Variants in PSTPIP2 observed in about 807,000 individuals in gnomAD.
PSTPIP2 encodes the protein proline-serine-threonine phosphatase-interacting protein 2.
Under a neutral mutation model 63.3 loss-of-function variants are expected in PSTPIP2, and 33 were observed. That is an observed-to-expected ratio of 0.52 (90% CI 0.40 to 0.70). The LOEUF is 0.70. PSTPIP2 is among the 30% of genes least tolerant of loss of function. The pLI is 0.00. For missense variants in PSTPIP2, 312 were observed against 400.7 expected, an observed-to-expected ratio of 0.78 and a Z score of 1.89; for synonymous variants, 125 against 132.7, an observed-to-expected ratio of 0.94 and a Z score of 0.40.
At chr18:46,024,817 A>C in intron 2 of PSTPIP2, 131 bp from the exon 3 acceptor site, 1 of 682,552 alleles carries the variant, frequency 1.5e-6, no homozygotes, top group Non-Finnish European at 2.6e-6. Flanking sequence ...CATTCTCTAA[A>C]ATGCAAGACT....
intron 2 of PSTPIP2, among the ~76,000 whole-genome samples, 153 bp downstream of exon 2, chr18:46,039,794 G>T (rs1908122672): frequency 6.6e-6 from 1 of 152,206 alleles, no homozygotes; most frequent in Non-Finnish European, 1.5e-5. Context: ...TAGGACAGAA[G>T]TATCATGTAC....
chr18:46,028,309 G>T, intron 2 of PSTPIP2: 1 of 464,848 alleles, frequency 2.2e-6, no homozygotes, highest in Non-Finnish European at 4.2e-6. Flanking sequence ...CGGAACGAGG[G>T]CGGACTGGAA....
chr18:46,052,192 G>T (rs1458490784), intron 1 of PSTPIP2, among the ~76,000 whole-genome samples: 2 of 152,214 alleles, frequency 1.3e-5, no homozygotes, highest in African/African-American at 4.8e-5. Context: ...ATAGAACTAG[G>T]AGCTAGGAAC....
Position 45,984,671 on chromosome 18 carries a change from A to G in PSTPIP2, c.*788T>C, listed in dbSNP as rs979575507. On this transcript the variant is annotated 3_prime_UTR_variant, in exon 15 of 15. Transcript: ENST00000409746. ...ACATAAAATAATGGCATGTTTTACA[A>G]TCAGTGGCTCCTTAAATTAGATTAA... The G allele has an allele frequency of 6.6e-6, 1 of 152,210 alleles. No individual in the cohort carries two copies. The highest frequency in any genetic ancestry group is 2.4e-5 in the African/African-American group (1 of 41,452). The allele number at this position is 152,210 out of a possible 1,614,324, so 9.4% of individuals were successfully genotyped here. A position where few individuals can be genotyped will look rare whatever the true frequency, so the allele number is the denominator to read the frequency against.
chr18:46,028,952 C>T, intron 2 of PSTPIP2: 2 of 1,201,254 alleles, frequency 1.7e-6, no homozygotes, highest in Non-Finnish European at 2.5e-6. Flanking sequence ...GCTGAACGTC[C>T]TTCTGCTGCT....
intron 1 of PSTPIP2, among the ~76,000 whole-genome samples, chr18:46,061,005 T>TA (rs1319010438): frequency 2.6e-5 from 4 of 152,110 alleles, no homozygotes; most frequent in South Asian, 2.1e-4. Flanking sequence ...TGCACATTAA[T>TA]AAAAAATCAT....
At chr18:46,010,095 G>A (rs2051779273) in intron 5 of PSTPIP2, among the ~76,000 whole-genome samples, 1 of 152,170 alleles carries the variant, frequency 6.6e-6, no homozygotes, top group Admixed American at 6.5e-5. Context: ...ACAGCAATAG[G>A]GGTAAAGCAG....
chr18:45,995,477 T>C (rs555325520), intron 9 of PSTPIP2, among the ~76,000 whole-genome samples: 8 of 152,326 alleles, frequency 5.3e-5, no homozygotes, highest in African/African-American at 1.9e-4. Context: ...TAAACCTTAT[T>C]AAAAAATGGC....
intron 2 of PSTPIP2, among the ~76,000 whole-genome samples, chr18:46,027,572 C>T (rs12606939): frequency 0.24 from 35,715 of 151,708 alleles, 4,939 homozygotes; most frequent in East Asian, 0.41. Flanking sequence ...CATCTGTAGT[C>T]CCTGCTACTC....
At chr18:46,011,028 TG>T in intron 5 of PSTPIP2, 152 bp downstream of exon 5, 1 of 655,046 alleles carries the variant, frequency 1.5e-6, no homozygotes, top group Non-Finnish European at 2.7e-6. Flanking sequence ...TATACCCATC[TG>T]GACTGAGTCC....
rs769025254 is a variant in PSTPIP2 at position 46,005,458 on chromosome 18, A to C, written c.417+11T>G. On this transcript the variant is annotated intron_variant, in intron 6 of 14. Coordinates refer to ENST00000409746, the MANE Select transcript of PSTPIP2 (RefSeq NM_024430.4). The stretch of plus-strand genomic sequence containing the variant: ...CCATTATCCCAAAAAAGACAATAAA[A>C]TGTGACTCACATCCATGGTTTTCTT... 1 of 1,576,172 alleles carries C rather than the reference A, an allele frequency of 6.3e-7. No homozygotes were observed. Among genetic ancestry groups the C allele is most frequent in the East Asian group, 2.2e-5 (1 of 44,598 alleles).
Position 46,009,076 on chromosome 18 carries a change from C to T in PSTPIP2, c.354+2105G>A, listed in dbSNP as rs139167155. Among the ~76,000 whole-genome samples, 572 of 152,184 alleles carry T rather than the reference C, an allele frequency of 3.8e-3. 10 individuals are homozygous for T. The highest frequency in any genetic ancestry group is 0.013 in the African/African-American group (536 of 41,508). The stretch of plus-strand genomic sequence containing the variant: ...TTTACCATGATTCCTGGGTCACATC[C>T]GTCTATCTGGCCCTGCTCTCATGCT... On this transcript the variant is annotated intron_variant, in intron 5 of 14. Coordinates refer to ENST00000409746, the MANE Select transcript of PSTPIP2 (RefSeq NM_024430.4).
intron 4 of PSTPIP2, 41 bp from the exon 5 acceptor site, chr18:46,011,328 G>T: frequency 7.0e-7 from 1 of 1,424,626 alleles, no homozygotes; most frequent in Non-Finnish European, 9.8e-7. Context: ...GTCTACATAT[G>T]TCTGAATTAA....
At chr18:46,019,778 G>A (rs561643706) in intron 3 of PSTPIP2, among the ~76,000 whole-genome samples, 2 of 152,242 alleles carry the variant, frequency 1.3e-5, no homozygotes, top group East Asian at 3.9e-4. Flanking sequence ...TCCAGCCTGG[G>A]CAACAGAGTG....
At chr18:46,040,190 C>A in intron 1 of PSTPIP2, 143 bp from the exon 2 acceptor site, 4 of 552,740 alleles carry the variant, frequency 7.2e-6, no homozygotes, top group Non-Finnish European at 1.2e-5. Flanking sequence ...CACTTAGGAG[C>A]CTGTCAGGCT....
intron 14 of PSTPIP2, among the ~76,000 whole-genome samples, chr18:45,985,780 A>ATTT (rs532775826): frequency 0.13 from 19,723 of 147,452 alleles, 1,570 homozygotes; most frequent in East Asian, 0.38. Flanking sequence ...TCTTGTTTAA[A>ATTT]TTTTTTTTTT....
Position 45,998,803 on chromosome 18 carries a change from C to T in PSTPIP2, c.553G>A (p.Glu185Lys). 2 of 1,613,978 alleles carry T rather than the reference C, an allele frequency of 1.2e-6. No homozygotes were observed. ...GGAACTGCCCCCTCACCTGAGTCCT[C>T]TACTGCGGTCTTTGAAGTTGCCAGT... ...VKLATSKTAV[E>K]DSDKAYMLHI... Residue 185 changes from glutamate to lysine, a missense_variant, in exon 8 of 15, where the codon GAG (glutamate) becomes AAG (lysine). Glu to Lys is a moderately conservative substitution (Grantham distance 56, BLOSUM62 1). Transcript: ENST00000409746.
chr18:45,995,205 C>T (rs895801152), intron 9 of PSTPIP2, among the ~76,000 whole-genome samples: 6 of 152,114 alleles, frequency 3.9e-5, no homozygotes, highest in Non-Finnish European at 8.8e-5. Flanking sequence ...GCCTCAAACT[C>T]GTGGGCTCAA....
chr18:46,066,595 CAGAAGG>C (rs1358530229), intron 1 of PSTPIP2, among the ~76,000 whole-genome samples: 1 of 152,200 alleles, frequency 6.6e-6, no homozygotes, highest in African/African-American at 2.4e-5. Context: ...GGTCTCTCAC[CAGAAGG>C]TGAGCCCCAC....
Sources: allele counts gnomAD v4.1 joint callset (sites outside exome capture counted in the v4.1 genomes callset), GRCh38; gene constraint gnomAD v4.1.1; transcripts MANE v1.5; gene names NCBI Gene and HGNC (gene_info 2026-07-23, HGNC 2026-07-21).